Variants in ZSWIM6 observed in about 807,000 individuals in gnomAD.
ZSWIM6 encodes zinc finger SWIM-type containing 6, also known as zinc finger SWIM domain-containing protein 6.
In ZSWIM6, 9 loss-of-function variants were observed where a neutral mutation model predicts 113.2. That is an observed-to-expected ratio of 0.08 (90% CI 0.05 to 0.14). The LOEUF (loss-of-function observed/expected upper bound fraction) is 0.14, where lower values mean the gene tolerates loss of function less well. Among genes scored for constraint, ZSWIM6 ranks in the 10% least tolerant of loss-of-function variants. The pLI, the probability that ZSWIM6 is intolerant of heterozygous loss-of-function variation, is 1.00. For missense variants in ZSWIM6, 1,162 were observed against 1,552.2 expected, an observed-to-expected ratio of 0.75 and a Z score of 4.22; for synonymous variants, 611 against 606.5, an observed-to-expected ratio of 1.01 and a Z score of -0.11.
chr5:61,491,483 C>T (rs1287243796), intron 3 of ZSWIM6, among the ~76,000 whole-genome samples: 2 of 151,928 alleles, frequency 1.3e-5, no homozygotes, highest in South Asian at 4.1e-4. Context: ...TAACATATCT[C>T]CTAAAACTGT....
intron 2 of ZSWIM6, among the ~76,000 whole-genome samples, chr5:61,476,334 G>T (rs529862482): frequency 6.6e-6 from 1 of 152,116 alleles, no homozygotes; most frequent in African/African-American, 2.4e-5. Context: ...GCAATAGTGT[G>T]TAGATAAAGA....
rs1351769302 is a variant in ZSWIM6, at chr5:61,433,967, T to A, written c.677-38714T>A. On this transcript the variant is annotated intron_variant, in intron 1 of 13. Coordinates refer to ENST00000252744, the MANE Select transcript of ZSWIM6 (RefSeq NM_020928.2). ...ATCACATAACATGCATACATGGCCATGTCCATGTAAAATATCTGTATAATA... is the reference window on the plus strand; with the variant it reads ...ATCACATAACATGCATACATGGCCAAGTCCATGTAAAATATCTGTATAATA... Among the ~76,000 whole-genome samples the A allele has an allele frequency of 3.4e-5, 5 of 149,224 alleles. 1 individual carries two copies. In the East Asian group the frequency reaches 9.7e-4, roughly 29 times the overall value.
At chr5:61,346,804 G>A (rs1403872352) in intron 1 of ZSWIM6, among the ~76,000 whole-genome samples, 1 of 152,164 alleles carries the variant, frequency 6.6e-6, no homozygotes, top group Non-Finnish European at 1.5e-5. Flanking sequence ...TTCATAAATA[G>A]CAGGAAATTC....
intron 1 of ZSWIM6, among the ~76,000 whole-genome samples, chr5:61,425,015 G>C (rs371090152): frequency 1.3e-5 from 2 of 152,124 alleles, no homozygotes; most frequent in South Asian, 4.2e-4. Context: ...ACTGCGCCCG[G>C]CACTAATCTT....
chr5:61,511,493 C>T (rs1161844371), intron 4 of ZSWIM6, among the ~76,000 whole-genome samples: 1 of 150,112 alleles, frequency 6.7e-6, no homozygotes, highest in African/African-American at 2.5e-5. Flanking sequence ...GAAATTCTAA[C>T]CCCAAGGTGA....
intron 1 of ZSWIM6, among the ~76,000 whole-genome samples, chr5:61,374,195 C>G (rs1745322112): frequency 6.6e-6 from 1 of 152,054 alleles, no homozygotes; most frequent in Admixed American, 6.5e-5. Context: ...GTGATATGTT[C>G]AAAAGAAAAG....
intron 4 of ZSWIM6, among the ~76,000 whole-genome samples, chr5:61,504,866 AG>A (rs368484487): frequency 9.8e-5 from 15 of 152,322 alleles, no homozygotes; most frequent in Admixed American, 3.9e-4. Flanking sequence ...CCTCAATTGT[AG>A]GCTCTGCTAC....
intron 1 of ZSWIM6, among the ~76,000 whole-genome samples, chr5:61,378,257 A>G (rs1159549205): frequency 1.3e-5 from 2 of 152,198 alleles, no homozygotes; most frequent in African/African-American, 4.8e-5. Flanking sequence ...ATTATAGAAG[A>G]CTGGTTAAAT....
At chr5:61,334,205 G>A (rs960693964) in intron 1 of ZSWIM6, among the ~76,000 whole-genome samples, 20 of 152,168 alleles carry the variant, frequency 1.3e-4, no homozygotes, top group African/African-American at 4.6e-4. Flanking sequence ...GTTTAAAAGT[G>A]TCTCCTGTTC....
chr5:61,406,479 T>C (rs572510064), intron 1 of ZSWIM6, among the ~76,000 whole-genome samples: 1 of 152,190 alleles, frequency 6.6e-6, no homozygotes, highest in East Asian at 1.9e-4. Context: ...TTAAAGAATA[T>C]ATTAAAAGGC....
chr5:61,357,723 T>A (rs1579951003), intron 1 of ZSWIM6, among the ~76,000 whole-genome samples: 1 of 151,992 alleles, frequency 6.6e-6, no homozygotes, highest in East Asian at 1.9e-4. Context: ...TAAAAAATAA[T>A]CTCAGAATAG....
In ZSWIM6 at chr5:61,427,285, C is replaced by T. The variant is rs548768740; in HGVS notation, c.677-45396C>T. Among the ~76,000 whole-genome samples the T allele has an allele frequency of 6.6e-5, 10 of 152,182 alleles. No homozygotes were observed. The East Asian group carries it at 1.9e-3, about 29-fold the overall frequency. On this transcript the variant is annotated intron_variant, in intron 1 of 13. Transcript: ENST00000252744. ...TGCTTAAGTCCCTTATATAAAATGGCATTTGGCTATTTTATATATTGCATA... is the reference window on the plus strand; with the variant it reads ...TGCTTAAGTCCCTTATATAAAATGGTATTTGGCTATTTTATATATTGCATA...
At chr5:61,514,900 C>T (rs1198911949) in intron 4 of ZSWIM6, among the ~76,000 whole-genome samples, 1 of 152,122 alleles carries the variant, frequency 6.6e-6, no homozygotes, top group Non-Finnish European at 1.5e-5. Flanking sequence ...AGTGGGAACC[C>T]TTCCCTCCTC....
At chr5:61,385,472 A>G (rs1745575685) in intron 1 of ZSWIM6, among the ~76,000 whole-genome samples, 3 of 152,222 alleles carry the variant, frequency 2.0e-5, no homozygotes, top group South Asian at 2.1e-4. Flanking sequence ...CTTAATTTGT[A>G]GTTAGACCTG....
intron 1 of ZSWIM6, among the ~76,000 whole-genome samples, chr5:61,403,776 A>C (rs1745986826): frequency 6.6e-6 from 1 of 151,684 alleles, no homozygotes; most frequent in African/African-American, 2.4e-5. Context: ...TTTTTGTCAT[A>C]AGAGGAAGCA....
intron 2 of ZSWIM6, among the ~76,000 whole-genome samples, chr5:61,476,115 A>G (rs907725941): frequency 2.0e-5 from 3 of 152,242 alleles, no homozygotes; most frequent in Non-Finnish European, 4.4e-5. Flanking sequence ...TTATGAGTAA[A>G]TACAAAATAT....
In ZSWIM6 at chr5:61,396,262, A is replaced by C. The variant is rs138875113; in HGVS notation, c.676+63314A>C. On this transcript the variant is annotated intron_variant, in intron 1 of 13. Transcript: ENST00000252744. Reference sequence around the variant, plus strand: ...AATTGAATGTTTTTTGGCCAGGTGCAGTGGCTCACGCCTGTAATCCCAGCA... The same window carrying C: ...AATTGAATGTTTTTTGGCCAGGTGCCGTGGCTCACGCCTGTAATCCCAGCA... Among the ~76,000 whole-genome samples, 1,003 of 152,258 alleles carry C rather than the reference A, an allele frequency of 6.6e-3. 8 individuals are homozygous for C. Among genetic ancestry groups the C allele is most frequent in the African/African-American group, 0.02 (849 of 41,548 alleles).
chr5:61,456,655 G>A (rs975519213), intron 1 of ZSWIM6, among the ~76,000 whole-genome samples: 1 of 152,160 alleles, frequency 6.6e-6, no homozygotes, highest in Admixed American at 6.5e-5. Context: ...AAGGATAAGG[G>A]AAAGAGGCAA....
intron 1 of ZSWIM6, among the ~76,000 whole-genome samples, chr5:61,466,411 A>G (rs564792721): frequency 5.4e-4 from 82 of 152,324 alleles, no homozygotes; most frequent in African/African-American, 1.9e-3. Context: ...TTTCAGCCAT[A>G]ACATTACATT....
Sources: allele counts gnomAD v4.1 joint callset (sites outside exome capture counted in the v4.1 genomes callset), GRCh38; gene constraint gnomAD v4.1.1; transcripts MANE v1.5; gene names NCBI Gene and HGNC (gene_info 2026-07-23, HGNC 2026-07-21).